Variants in VAV2 observed in about 807,000 individuals in gnomAD.
VAV2 encodes vav guanine nucleotide exchange factor 2.
A neutral mutation model predicts 132.5 loss-of-function variants in VAV2; 67 were observed. The ratio of observed to expected loss-of-function variants is 0.51; its 90% CI spans 0.42 to 0.62. VAV2 has a LOEUF of 0.62. Ranked by LOEUF, VAV2 falls within the 20% of genes least tolerant of loss-of-function variation. The pLI is 0.00. For missense variants in VAV2, 938 were observed against 1,153.6 expected, an observed-to-expected ratio of 0.81 and a Z score of 2.71; for synonymous variants, 492 against 443.5, an observed-to-expected ratio of 1.11 and a Z score of -1.37.
intron 1 of VAV2, among the ~76,000 whole-genome samples, chr9:133,962,051 A>G (rs998021659): frequency 6.6e-6 from 1 of 152,164 alleles, no homozygotes; most frequent in Non-Finnish European, 1.5e-5. Context: ...TAGCACTGAC[A>G]TAGCAAAGCC....
At chr9:133,801,633 CA>C (rs1564361194) in intron 9 of VAV2, among the ~76,000 whole-genome samples, 1 of 152,234 alleles carries the variant, frequency 6.6e-6, no homozygotes, top group Non-Finnish European at 1.5e-5. Context: ...AACTCGGCTG[CA>C]GTGGGTCCAC....
chr9:133,964,492 T>C lies in VAV2; in HGVS notation c.205-25273A>G, dbSNP rs550722239. On this transcript the variant is annotated intron_variant, in intron 1 of 29. Coordinates refer to ENST00000371850, the MANE Select transcript of VAV2 (RefSeq NM_001134398.2). ...TGCTTTTTATAATGGATGTCATATATGTATAATGAAAAATACATTTTAGCA... is the reference window on the plus strand; with the variant it reads ...TGCTTTTTATAATGGATGTCATATACGTATAATGAAAAATACATTTTAGCA... 1.2e-4 allele frequency among the ~76,000 whole-genome samples: 18 copies of C among 152,316 alleles called. No homozygotes were observed. In the East Asian group the frequency reaches 3.5e-3, roughly 29 times the overall value.
In VAV2 at chr9:133,926,079, A is replaced by G. The variant is rs1388850961; in HGVS notation, c.321+13024T>C. ...GCTAAGAAAATGCAAGCTCTCAGCC[A>G]ACGGGGTGGGGACTCACAGGAAAGA... On this transcript the variant is annotated intron_variant, in intron 2 of 29. Transcript: ENST00000371850. This position sits in a 1 kb window ranked among gnomAD's most constrained non-coding sequence, Gnocchi z 4.3. 6.7e-6 allele frequency: 1 copy of G among 149,718 alleles called. No homozygotes were observed. Among genetic ancestry groups the G allele is most frequent in the Non-Finnish European group, 1.5e-5 (1 of 67,486 alleles). 9.3% of individuals were successfully genotyped at this position (149,718 alleles called of 1,614,324 possible).
At chr9:133,941,165 T>C (rs1171217772) in intron 1 of VAV2, among the ~76,000 whole-genome samples, 1 of 152,158 alleles carries the variant, frequency 6.6e-6, no homozygotes, top group Admixed American at 6.5e-5. Flanking sequence ...CCCAGCACTT[T>C]AGGAGGCCGA....
chr9:133,856,427 C>T (rs1564409660), intron 3 of VAV2, among the ~76,000 whole-genome samples: 1 of 146,494 alleles, frequency 6.8e-6, no homozygotes, highest in Non-Finnish European at 1.5e-5. Context: ...TGGTATGTGC[C>T]CCCCACCGGG....
chr9:133,899,394 C>T (rs1839350740), intron 2 of VAV2, among the ~76,000 whole-genome samples: 1 of 151,146 alleles, frequency 6.6e-6, no homozygotes, highest in African/African-American at 2.4e-5. Flanking sequence ...CCAACTCTAC[C>T]AAAAATTTAA....
chr9:133,799,474 G>C (rs1834847812), intron 9 of VAV2, among the ~76,000 whole-genome samples: 1 of 152,176 alleles, frequency 6.6e-6, no homozygotes, highest in Non-Finnish European at 1.5e-5. Context: ...AAGCTCACCT[G>C]ACCCAGCCAC....
intron 1 of VAV2, among the ~76,000 whole-genome samples, chr9:133,940,733 A>G (rs1356115256): frequency 6.6e-6 from 1 of 150,752 alleles, no homozygotes; most frequent in Non-Finnish European, 1.5e-5. Flanking sequence ...GATTAACTAC[A>G]GTAATGACAC....
chr9:133,816,029 C>A (rs1018429241), intron 4 of VAV2, among the ~76,000 whole-genome samples: 1 of 152,198 alleles, frequency 6.6e-6, no homozygotes, highest in East Asian at 1.9e-4. Context: ...TCCATTCAGC[C>A]CCCAGAGTGC....
intron 2 of VAV2, among the ~76,000 whole-genome samples, chr9:133,874,386 T>C (rs1402059412): frequency 2.0e-5 from 3 of 152,098 alleles, no homozygotes; most frequent in African/African-American, 7.2e-5. Flanking sequence ...CCCTCCCCTG[T>C]CCACCAGGAA....
chr9:133,990,386 A>C (rs1335502203), intron 1 of VAV2, among the ~76,000 whole-genome samples: 1 of 152,168 alleles, frequency 6.6e-6, no homozygotes, highest in Non-Finnish European at 1.5e-5. Context: ...CTTCCAGTGC[A>C]GGAGCTGAGC....
intron 2 of VAV2, among the ~76,000 whole-genome samples, chr9:133,920,581 G>A (rs1840262107): frequency 6.6e-6 from 1 of 152,126 alleles, no homozygotes; most frequent in African/African-American, 2.4e-5. Flanking sequence ...ATACCAGCAG[G>A]GGAGGTGCCC....
chr9:133,848,003 C>T (rs1033999121), intron 3 of VAV2, among the ~76,000 whole-genome samples: 2 of 152,148 alleles, frequency 1.3e-5, no homozygotes, highest in South Asian at 2.1e-4. Flanking sequence ...ATGGGCCAGA[C>T]GCGGTAGCTC....
Position 133,824,415 on chromosome 9 carries a change from C to T in VAV2, c.449+9857G>A, listed in dbSNP as rs1044017327. Among the ~76,000 whole-genome samples the T allele has an allele frequency of 1.3e-5, 2 of 149,070 alleles. No homozygotes were observed. The highest frequency in any genetic ancestry group is 5.1e-5 in the African/African-American group (2 of 39,568). ...CCAGCCCAAAACGGCCCTCAGTTCC[C>T]GAGAACAGACATAGAAGAGACCCAG... is the stretch of plus-strand genomic sequence containing the variant. On this transcript the variant is annotated intron_variant, in intron 4 of 29. Transcript: ENST00000371850. The surrounding 1 kb of genome is among the most constrained non-coding windows in gnomAD (Gnocchi z 5.2).
intron 1 of VAV2, among the ~76,000 whole-genome samples, chr9:133,982,363 C>G (rs1391553218): frequency 1.3e-5 from 2 of 152,154 alleles, no homozygotes; most frequent in Admixed American, 1.3e-4. Context: ...GGCAGGAGGC[C>G]GCAAGAGGGG....
intron 2 of VAV2, among the ~76,000 whole-genome samples, chr9:133,909,323 G>C (rs1839793416): frequency 6.6e-6 from 1 of 152,202 alleles, no homozygotes; most frequent in African/African-American, 2.4e-5. Context: ...AGCTGAGTTT[G>C]AGTCCTGGAG....
At chr9:133,982,267 G>C (rs947891389) in intron 1 of VAV2, among the ~76,000 whole-genome samples, 1 of 99,828 alleles carries the variant, frequency 1.0e-5, no homozygotes, top group Non-Finnish European at 2.0e-5. Context: ...CAGGGGCGAC[G>C]GCCGGCCGGC....
In VAV2 at chr9:133,863,359, G is replaced by A. The variant is rs898206306; in HGVS notation, c.322-1927C>T. Reference sequence around the variant, plus strand: ...AAGGAGGCACCAGCATTCGGTCAGCGCTGACACACAAGAACCTGTTTGTCA... The same window carrying A: ...AAGGAGGCACCAGCATTCGGTCAGCACTGACACACAAGAACCTGTTTGTCA... On this transcript the variant is annotated intron_variant, in intron 2 of 29. Coordinates refer to ENST00000371850, the MANE Select transcript of VAV2 (RefSeq NM_001134398.2). This position sits in a 1 kb window ranked among gnomAD's most constrained non-coding sequence, Gnocchi z 5.0. Among the ~76,000 whole-genome samples the A allele has an allele frequency of 6.6e-6, 1 of 152,282 alleles. No individual in the cohort carries two copies. The highest frequency in any genetic ancestry group is 2.4e-5 in the African/African-American group (1 of 41,566).
chr9:133,888,564 C>T (rs1244258099), intron 2 of VAV2, among the ~76,000 whole-genome samples: 2 of 152,204 alleles, frequency 1.3e-5, no homozygotes, highest in Non-Finnish European at 1.5e-5. Flanking sequence ...CCAGGAGCCA[C>T]GTCACTCTCA....
Sources: allele counts gnomAD v4.1 joint callset (sites outside exome capture counted in the v4.1 genomes callset), GRCh38; gene constraint gnomAD v4.1.1; non-coding constraint Gnocchi (gnomAD v3.1); transcripts MANE v1.5; gene names NCBI Gene and HGNC (gene_info 2026-07-23, HGNC 2026-07-21).